Variants in ZDHHC15 observed in about 807,000 individuals in gnomAD.
The protein encoded by ZDHHC15 is zDHHC palmitoyltransferase 15.
ZDHHC15 carries 19 observed loss-of-function variants against 31.7 expected under a neutral mutation model. The observed-to-expected ratio is 0.60, with a 90% CI of 0.42 to 0.88. The LOEUF is 0.88. Among genes scored for constraint, ZDHHC15 ranks in the 40% least tolerant of loss-of-function variants. The pLI is 0.00. For missense variants in ZDHHC15, 209 were observed against 251.2 expected (o/e 0.83, Z 1.14); for synonymous variants, 103 against 90.0 (o/e 1.14, Z -0.82).
chrX:75,453,314 C>T (rs370808759), intron 3 of ZDHHC15, among the ~76,000 whole-genome samples: 2 of 111,474 alleles, frequency 1.8e-5, no homozygotes, highest in African/African-American at 6.5e-5. Flanking sequence ...TTCCTGGACA[C>T]ATATACCCTC....
chrX:75,492,467 A>G (rs1000555243), intron 2 of ZDHHC15, among the ~76,000 whole-genome samples: 1 of 111,682 alleles, frequency 9.0e-6, no homozygotes, highest in African/African-American at 3.3e-5. Flanking sequence ...CCCCAAGTCA[A>G]CAGAATATAC....
intron 2 of ZDHHC15, among the ~76,000 whole-genome samples, chrX:75,496,051 T>C (rs2084992426): frequency 9.0e-6 from 1 of 110,845 alleles, no homozygotes; most frequent in Non-Finnish European, 1.9e-5. Context: ...ATTTAGAAGA[T>C]ACAGAATGGC....
chrX:75,478,208 G>A (rs749020520), intron 3 of ZDHHC15, among the ~76,000 whole-genome samples: 7 of 111,653 alleles, frequency 6.3e-5, no homozygotes, highest in Non-Finnish European at 1.3e-4. Context: ...TAACTATTGT[G>A]CTTTTTTCTC....
intron 3 of ZDHHC15, 124 bp from the exon 4 acceptor site, chrX:75,451,046 A>C: frequency 1.2e-6 from 1 of 826,389 alleles, no homozygotes; most frequent in Non-Finnish European, 1.6e-6. Context: ...GGTACCACTT[A>C]GTCTTATAAT....
chrX:75,412,433 AT>A (rs2083494874), intron 10 of ZDHHC15, among the ~76,000 whole-genome samples: 1 of 109,943 alleles, frequency 9.1e-6, no homozygotes, highest in Non-Finnish European at 1.9e-5. Flanking sequence ...ACTGATTATT[AT>A]TCTTTTTTTT....
At chrX:75,488,783 G>A (rs748524968) in intron 2 of ZDHHC15, among the ~76,000 whole-genome samples, 78 of 111,953 alleles carry the variant, frequency 7.0e-4, no homozygotes, top group African/African-American at 2.2e-3. Flanking sequence ...AGCGCTAGCC[G>A]AAGCAGGGCG....
At chrX:75,396,267 A>G (rs1388788136) in intron 10 of ZDHHC15, among the ~76,000 whole-genome samples, 2 of 112,361 alleles carry the variant, frequency 1.8e-5, no homozygotes, top group Non-Finnish European at 3.8e-5. Context: ...ATTAATAACC[A>G]GAATACATAA....
chrX:75,515,501 G>A (rs2085342370), intron 1 of ZDHHC15, among the ~76,000 whole-genome samples: 3 of 111,646 alleles, frequency 2.7e-5, no homozygotes, highest in African/African-American at 9.8e-5. Flanking sequence ...TATCTTAATA[G>A]ACACAGAAAA....
chrX:75,402,473 TA>T (rs1299832249), intron 10 of ZDHHC15, among the ~76,000 whole-genome samples: 1 of 109,531 alleles, frequency 9.1e-6, no homozygotes, highest in Admixed American at 9.7e-5. Flanking sequence ...TTTGAAACAT[TA>T]AAAAAATGGA....
At chrX:75,501,321 G>GT (rs2085083184) in intron 2 of ZDHHC15, among the ~76,000 whole-genome samples, 1 of 111,082 alleles carries the variant, frequency 9.0e-6, no homozygotes, top group Admixed American at 9.5e-5. Context: ...TTCATGGTGT[G>GT]TATGCACCAC....
At chrX:75,436,921 G>A (rs367936395) in intron 4 of ZDHHC15, among the ~76,000 whole-genome samples, 54 of 111,845 alleles carry the variant, frequency 4.8e-4, no homozygotes, top group East Asian at 2.0e-3. Context: ...TCGCTCTGTC[G>A]CCCAGGCTGG....
intron 3 of ZDHHC15, among the ~76,000 whole-genome samples, chrX:75,452,215 A>T (rs2084133344): frequency 9.2e-6 from 1 of 109,140 alleles, no homozygotes; most frequent in African/African-American, 3.3e-5. Context: ...AGCGAAAAAA[A>T]AAAAAAAAAG....
intron 3 of ZDHHC15, among the ~76,000 whole-genome samples, chrX:75,463,140 T>C (rs1442463899): frequency 9.0e-6 from 1 of 111,178 alleles, no homozygotes; most frequent in Non-Finnish European, 1.9e-5. Flanking sequence ...AAAACCTCTA[T>C]GTACATAAAT....
At chrX:75,391,096 G>A (rs2083237594) in intron 10 of ZDHHC15, among the ~76,000 whole-genome samples, 1 of 111,792 alleles carries the variant, frequency 8.9e-6, no homozygotes, top group African/African-American at 3.2e-5. Flanking sequence ...AATGCAAAAC[G>A]GTTTCTTAAC....
chrX:75,410,716 C>T (rs2083475512), intron 10 of ZDHHC15, among the ~76,000 whole-genome samples: 1 of 111,864 alleles, frequency 8.9e-6, no homozygotes, highest in Non-Finnish European at 1.9e-5. Flanking sequence ...CCATAGGATC[C>T]ATCAATTCCA....
At chrX:75,373,888 G>T (rs2367172) in intron 11 of ZDHHC15, among the ~76,000 whole-genome samples, 2 of 94,843 alleles carry the variant, frequency 2.1e-5, no homozygotes, top group Non-Finnish European at 2.0e-5. Context: ...TAGTTACCCT[G>T]TTGCCCTAGC....
intron 3 of ZDHHC15, among the ~76,000 whole-genome samples, chrX:75,453,202 G>A (rs1041086716): frequency 9.0e-6 from 1 of 111,339 alleles, no homozygotes; most frequent in Non-Finnish European, 1.9e-5. Flanking sequence ...AAATGATAAA[G>A]GGGATATCAC....
intron 9 of ZDHHC15, among the ~76,000 whole-genome samples, chrX:75,421,446 T>TA (rs370351861): frequency 1.9e-4 from 2 of 10,516 alleles, no homozygotes; most frequent in Non-Finnish European, 3.0e-4. Flanking sequence ...ATATATTATA[T>TA]ATATATATTC....
chrX:75,502,048 A>T (rs1187587455), intron 2 of ZDHHC15: 1 of 112,012 alleles, frequency 8.9e-6, no homozygotes, highest in African/African-American at 3.2e-5. Flanking sequence ...ATATTCTTGT[A>T]TCAGTTTGCT....
Sources: allele counts gnomAD v4.1 joint callset (sites outside exome capture counted in the v4.1 genomes callset), GRCh38; gene constraint gnomAD v4.1.1; transcripts MANE v1.5; gene names NCBI Gene and HGNC (gene_info 2026-07-23, HGNC 2026-07-21).